Variants in C16orf74 observed in about 807,000 individuals in gnomAD.
C16orf74 encodes the protein calcimembrin.
Under a neutral mutation model 6.5 loss-of-function variants are expected in C16orf74, and 10 were observed. That is an observed-to-expected ratio of 1.54 (90% CI 0.95 to 2.61). C16orf74 has a LOEUF of 2.61. C16orf74 is among the 30% of genes most tolerant of loss of function. C16orf74 has a pLI of 0.00. For synonymous variants in C16orf74, 60 were observed against 42.5 expected (o/e 1.41, Z -1.60); for missense variants, 141 against 105.9 (o/e 1.33, Z -1.45).
chr16:85,727,240 G>A lies in C16orf74; in HGVS notation c.28+7950C>T, dbSNP rs141332806. Among the ~76,000 whole-genome samples, 337 of 152,278 alleles carry A rather than the reference G, an allele frequency of 2.2e-3. 2 individuals are homozygous for A. The highest frequency in any genetic ancestry group is 7.6e-3 in the African/African-American group (315 of 41,536). ...CACGGGGCCATATGGAGGGATTCTG[G>A]GTTTTGGGTTGACCAGGGGCTAGAC... is the stretch of plus-strand genomic sequence containing the variant. On this transcript the variant is annotated intron_variant, in intron 2 of 3. Coordinates refer to ENST00000284245, the MANE Select transcript of C16orf74 (RefSeq NM_206967.3).
chr16:85,747,508 C>A (rs1043737587), intron 1 of C16orf74, among the ~76,000 whole-genome samples: 39 of 151,966 alleles, frequency 2.6e-4, no homozygotes, highest in African/African-American at 8.9e-4. Context: ...CATAGGGAAA[C>A]CATGGCTGGG....
chr16:85,710,985 G>GCA (rs1567801519), intron 2 of C16orf74: 2 of 152,196 alleles, frequency 1.3e-5, no homozygotes, highest in African/African-American at 4.8e-5. Context: ...TGAGCCTAGC[G>GCA]CATGCTCGAG....
intron 2 of C16orf74, among the ~76,000 whole-genome samples, chr16:85,734,219 G>A (rs914500252): frequency 3.3e-5 from 5 of 152,192 alleles, no homozygotes; most frequent in African/African-American, 1.2e-4. Flanking sequence ...TTAATTAAGA[G>A]CAGCCACCGC....
intron 1 of C16orf74, among the ~76,000 whole-genome samples, chr16:85,747,880 G>C (rs986500128): frequency 1.3e-5 from 2 of 152,062 alleles, no homozygotes; most frequent in African/African-American, 2.4e-5. Context: ...AAGGTCAGCA[G>C]TTCAAGACCA....
intron 2 of C16orf74, among the ~76,000 whole-genome samples, chr16:85,711,040 G>A (rs1192951814): frequency 2.0e-5 from 3 of 152,212 alleles, no homozygotes; most frequent in Admixed American, 6.5e-5. Flanking sequence ...CCAGCCGGGC[G>A]CGGTGGCTCA....
chr16:85,718,364 C>A (rs1053633370), intron 2 of C16orf74, among the ~76,000 whole-genome samples: 1 of 152,232 alleles, frequency 6.6e-6, no homozygotes, highest in African/African-American at 2.4e-5. Flanking sequence ...CCCCATACGG[C>A]CTGATTCTTT....
At chr16:85,733,692 G>A (rs959516061) in intron 2 of C16orf74, among the ~76,000 whole-genome samples, 14 of 152,140 alleles carry the variant, frequency 9.2e-5, no homozygotes, top group African/African-American at 2.9e-4. Context: ...GTCTGCTGCT[G>A]AATTAACCTC....
intron 3 of C16orf74, among the ~76,000 whole-genome samples, chr16:85,709,349 A>G (rs2053944057): frequency 6.6e-6 from 1 of 152,120 alleles, no homozygotes. Context: ...GCAACACTCC[A>G]TCTCAAAAAA....
intron 1 of C16orf74, 100 bp from the exon 2 acceptor site, chr16:85,735,335 C>A: frequency 2.9e-6 from 2 of 687,488 alleles, no homozygotes; most frequent in Non-Finnish European, 4.5e-6. Flanking sequence ...GAGTGCAAAA[C>A]AGGAGGTTGT....
At chr16:85,735,029 G>C (rs1056756500) in intron 2 of C16orf74, among the ~76,000 whole-genome samples, 161 bp downstream of exon 2, 1 of 152,160 alleles carries the variant, frequency 6.6e-6, no homozygotes, top group Non-Finnish European at 1.5e-5. Flanking sequence ...TCAGAGTCAG[G>C]ACAAGCATTT....
chr16:85,736,420 G>C (rs2054245465), intron 1 of C16orf74, among the ~76,000 whole-genome samples: 1 of 152,154 alleles, frequency 6.6e-6, no homozygotes, highest in Non-Finnish European at 1.5e-5. Context: ...GCTGAGGTCA[G>C]AGATGCTTGC....
At chr16:85,741,936 T>G (rs908975600) in intron 1 of C16orf74, among the ~76,000 whole-genome samples, 8 of 152,200 alleles carry the variant, frequency 5.3e-5, no homozygotes, top group African/African-American at 1.7e-4. Flanking sequence ...AAACCTCATG[T>G]TGAAATTTGA....
At position 85,719,947 on chromosome 16, in the gene C16orf74, G is replaced by A. The variant is rs775093219; in HGVS notation, c.29-9640C>T. 2.6e-5 allele frequency among the ~76,000 whole-genome samples: 4 copies of A among 151,698 alleles called. 1 individual carries two copies. Among genetic ancestry groups the A allele is most frequent in the African/African-American group, 4.9e-5 (2 of 40,958 alleles). ...AACAGAGGGGCCACAGGGGCTGAGCGGGGTGACACTAATCCCTCAGAGATG... is the reference window on the plus strand; with the variant it reads ...AACAGAGGGGCCACAGGGGCTGAGCAGGGTGACACTAATCCCTCAGAGATG... On this transcript the variant is annotated intron_variant, in intron 2 of 3. Coordinates refer to ENST00000284245, the MANE Select transcript of C16orf74 (RefSeq NM_206967.3).
At chr16:85,708,214 C>G in intron 3 of C16orf74, 148 bp from the exon 4 acceptor site, 1 of 679,742 alleles carries the variant, frequency 1.5e-6, no homozygotes, top group Non-Finnish European at 2.5e-6. Context: ...CCCAGTGATG[C>G]TGGATCCTTC....
chr16:85,709,924 G>A (rs912726620), intron 3 of C16orf74, among the ~76,000 whole-genome samples: 9 of 152,262 alleles, frequency 5.9e-5, no homozygotes, highest in African/African-American at 2.2e-4. Flanking sequence ...TCCATCAAGC[G>A]TCCTGGCTGC....
rs143453162 is a variant in C16orf74 at position 85,720,215 on chromosome 16, C to T, written c.29-9908G>A. Among the ~76,000 whole-genome samples, 656 of 152,242 alleles carry T rather than the reference C, an allele frequency of 4.3e-3. 2 individuals are homozygous for T. Among genetic ancestry groups the T allele is most frequent in the Non-Finnish European group, 7.7e-3 (522 of 68,024 alleles). On this transcript the variant is annotated intron_variant, in intron 2 of 3. Coordinates refer to ENST00000284245, the MANE Select transcript of C16orf74 (RefSeq NM_206967.3). ...TAATTAAGGAAAAAGCCCTAGCTTGCGTCAGGGATGAGCTGCTGGAGAGAG... is the reference window on the plus strand; with the variant it reads ...TAATTAAGGAAAAAGCCCTAGCTTGTGTCAGGGATGAGCTGCTGGAGAGAG...
rs940458580 is a variant in C16orf74, at chr16:85,724,299, AC to A, written c.28+10890del. Among the ~76,000 whole-genome samples, 39 of 152,146 alleles carry A rather than the reference AC, an allele frequency of 2.6e-4. 1 individual carries two copies. The highest frequency in any genetic ancestry group is 2.6e-3 in the Admixed American group (39 of 15,292). The stretch of plus-strand genomic sequence containing the variant: ...CTGTCTCCCTGGAGGCTCATTCCTC[AC>A]CTTTGTCCATCCCACAGATACTTCT... On this transcript the variant is annotated intron_variant, in intron 2 of 3. Coordinates refer to ENST00000284245, the MANE Select transcript of C16orf74 (RefSeq NM_206967.3).
chr16:85,714,199 G>A (rs369065322), intron 2 of C16orf74, among the ~76,000 whole-genome samples: 5 of 152,044 alleles, frequency 3.3e-5, no homozygotes, highest in African/African-American at 1.2e-4. Flanking sequence ...CACGGTCCCT[G>A]GGACACACGG....
In C16orf74 at chr16:85,707,978, G is replaced by T; in HGVS notation, c.*30C>A. ...ACCTGAAGCCGGGCCGCTGGAGCAG[G>T]AGCCAGCCAGCCAAACCCAGGACAC... On this transcript the variant is annotated 3_prime_UTR_variant, in exon 4 of 4. Transcript: ENST00000284245. 1 of 1,547,790 alleles carries T rather than the reference G, an allele frequency of 6.5e-7. No homozygotes were observed.
Sources: gnomAD v4.1 joint callset for allele counts (sites outside exome capture counted in the v4.1 genomes callset) on GRCh38, gnomAD v4.1.1 for gene constraint, MANE v1.5 for transcripts, NCBI Gene and HGNC (gene_info 2026-07-23, HGNC 2026-07-21) for gene names.